ZNF233: variants seen among roughly 807,000 people sequenced by gnomAD.
The protein encoded by ZNF233 is zinc finger protein 233.
A neutral mutation model predicts 11.6 loss-of-function variants in ZNF233; 7 were observed. The observed-to-expected ratio is 0.60, with a 90% CI of 0.34 to 1.13. ZNF233 has a LOEUF of 1.13. Ranked by LOEUF, ZNF233 falls within the 50% of genes most tolerant of loss-of-function variation. ZNF233 has a pLI of 0.03. For synonymous variants in ZNF233, 226 were observed against 268.5 expected, an observed-to-expected ratio of 0.84 and a Z score of 1.55; for missense variants, 711 against 785.5, an observed-to-expected ratio of 0.91 and a Z score of 1.13.
Position 44,273,463 on chromosome 19 carries a change from G to A in ZNF233, c.803G>A (p.Ser268Asn). The A allele has an allele frequency of 6.2e-7, 1 of 1,614,234 alleles. No individual in the cohort carries two copies. Among genetic ancestry groups the A allele is most frequent in the Middle Eastern group, 1.6e-4 (1 of 6,062 alleles). ...QTSDENGKGL[S>N]VGSNLELHQQ... The stretch of plus-strand genomic sequence containing the variant: ...TCTGATGAAAATGGAAAAGGCTTAA[G>A]TGTTGGCTCTAATCTTGAACTTCAC... Residue 268 changes from serine to asparagine, a missense_variant, in exon 5 of 5, where the codon AGT becomes AAT. Coordinates refer to ENST00000683810, the MANE Select transcript of ZNF233 (RefSeq NM_001207005.2).
intron 4 of ZNF233, 136 bp from the exon 5 acceptor site, chr19:44,272,761 CAA>C: frequency 1.6e-6 from 1 of 614,100 alleles, no homozygotes; most frequent in Non-Finnish European, 2.7e-6. Flanking sequence ...GAAAAAAAAA[CAA>C]TGATAAAGTC....
chr19:44,266,242 G>A lies in ZNF233; in HGVS notation c.60G>A (p.Glu20=), dbSNP rs1975080054. The A allele has an allele frequency of 6.2e-7, 1 of 1,612,708 alleles. No individual in the cohort carries two copies. Among genetic ancestry groups the A allele is most frequent in the Non-Finnish European group, 8.5e-7 (1 of 1,179,258 alleles). The stretch of plus-strand genomic sequence containing the variant: ...ATGTGGCTGTGGTCTTCACCAGGGA[G>A]GAGCTGGGGTTGCTGGACCTTGCCC... ...FKDVAVVFTR[E]ELGLLDLAQR... The change falls in exon 3 of 5, where the codon GAG becomes GAA. Residue 20 remains glutamate (E), a synonymous_variant. Transcript: ENST00000683810.
chr19:44,261,774 C>T (rs1974944837), intron 1 of ZNF233, among the ~76,000 whole-genome samples: 1 of 151,270 alleles, frequency 6.6e-6, no homozygotes, highest in South Asian at 2.1e-4. Flanking sequence ...GCCTCAGCCT[C>T]CCGAGTAGCT....
intron 1 of ZNF233, among the ~76,000 whole-genome samples, chr19:44,264,096 A>T (rs1975001828): frequency 6.6e-6 from 1 of 152,148 alleles, no homozygotes; most frequent in South Asian, 2.1e-4. Context: ...GTGTGCCACC[A>T]CACCCAGCTA....
At position 44,272,943 on chromosome 19, in the gene ZNF233, T is replaced by G. The variant is rs1975278016; in HGVS notation, c.283T>G (p.Leu95Val). 6.2e-7 allele frequency: 1 copy of G among 1,607,498 alleles called. No individual in the cohort carries two copies. The highest frequency in any genetic ancestry group is 8.5e-7 in the Non-Finnish European group (1 of 1,178,420). The change falls in exon 5 of 5, where the codon TTA becomes GTA. Residue 95 changes from leucine to valine, a missense_variant. Leu to Val is a conservative substitution (Grantham distance 32). Coordinates refer to ENST00000683810, the MANE Select transcript of ZNF233 (RefSeq NM_001207005.2). ...GATAGATACCCTTCAAGAAGTAAGA[T>G]TAAGATTCCTTTCATATGAAGACCT... ...NEIDTLQEVRLRFLSYEDLIC... is the reference protein window; with the variant it reads ...NEIDTLQEVRVRFLSYEDLIC...
At chr19:44,266,469 C>T in intron 3 of ZNF233, 145 bp downstream of exon 3, 2 of 1,126,832 alleles carry the variant, frequency 1.8e-6, no homozygotes, top group Non-Finnish European at 2.4e-6. Context: ...TTGTCTATAC[C>T]TTGTCTATTT....
intron 1 of ZNF233, among the ~76,000 whole-genome samples, chr19:44,262,252 AC>A (rs1026104747): frequency 2.0e-5 from 3 of 152,232 alleles, no homozygotes; most frequent in African/African-American, 7.2e-5. Flanking sequence ...TACTAATTAT[AC>A]CCCAAATGCC....
At chr19:44,261,327 C>G (rs1748622123) in intron 1 of ZNF233, among the ~76,000 whole-genome samples, 1 of 152,006 alleles carries the variant, frequency 6.6e-6, no homozygotes, top group African/African-American at 2.4e-5. Flanking sequence ...ACTTGGGAGG[C>G]TGAGGCAGGA....
chr19:44,267,053 C>T (rs1234170821), intron 4 of ZNF233, 92 bp downstream of exon 4: 1 of 879,696 alleles, frequency 1.1e-6, no homozygotes, highest in Non-Finnish European at 1.8e-6. Flanking sequence ...CCCAAGACCC[C>T]AGAATTCATC....
chr19:44,260,295 A>G (rs1222570195), intron 1 of ZNF233: 1 of 159,344 alleles, frequency 6.3e-6, no homozygotes, highest in African/African-American at 2.4e-5. Context: ...GATTTACTTA[A>G]GATAAATAGA....
At chr19:44,269,973 T>C (rs1975195008) in intron 4 of ZNF233, among the ~76,000 whole-genome samples, 1 of 152,130 alleles carries the variant, frequency 6.6e-6, no homozygotes, top group African/African-American at 2.4e-5. Flanking sequence ...TGGACAGAAG[T>C]ACAAATTAAA....
chr19:44,273,535 G>T lies in ZNF233; in HGVS notation c.875G>T (p.Gly292Val). 1.2e-6 allele frequency: 2 copies of T among 1,614,204 alleles called. No homozygotes were observed. The highest frequency in any genetic ancestry group is 1.7e-6 in the Non-Finnish European group (2 of 1,180,042). ...RDKPHVNVEY[G>V]KGIGYSSGLP... is the part of the protein sequence containing the mutation. The stretch of plus-strand genomic sequence containing the variant: ...AAGCCTCATGTAAATGTTGAGTACG[G>T]GAAGGGCATAGGTTACAGCTCAGGG... The change falls in exon 5 of 5, where the codon GGG becomes GTG. Residue 292 changes from glycine to valine, a missense_variant. By Grantham distance (109) the Gly-to-Val change is moderately radical. Coordinates refer to ENST00000683810, the MANE Select transcript of ZNF233 (RefSeq NM_001207005.2).
intron 4 of ZNF233, chr19:44,267,693 CT>C: frequency 3.1e-6 from 1 of 327,450 alleles, no homozygotes; most frequent in East Asian, 4.8e-5. Context: ...ACATGTATTT[CT>C]TTCTACCTGA....
chr19:44,274,972 GC>G lies in ZNF233; in HGVS notation c.*300del, dbSNP rs1277215793. The stretch of plus-strand genomic sequence containing the variant: ...CAATCAGAACCTTCACATCCAATAA[GC>G]AATATGCAGGAGTGAAGCCTTCAAA... On this transcript the variant is annotated 3_prime_UTR_variant, in exon 5 of 5. Coordinates refer to ENST00000683810, the MANE Select transcript of ZNF233 (RefSeq NM_001207005.2). The G allele has an allele frequency of 2.4e-6, 1 of 423,568 alleles. No homozygotes were observed. The highest frequency in any genetic ancestry group is 2.0e-5 in the African/African-American group (1 of 49,136). The allele number at this position is 423,568 out of a possible 1,614,324, so 26.2% of individuals were successfully genotyped here.
chr19:44,268,147 A>AATACATACATACATACATACATAC (rs10542946), intron 4 of ZNF233: 1 of 149,980 alleles, frequency 6.7e-6, no homozygotes, highest in African/African-American at 2.5e-5. Context: ...CTGTCTCAAA[A>AATACATACATACATACATACATAC]ATACATACAT....
chr19:44,266,395 T>C (rs1975085931), intron 3 of ZNF233, 71 bp downstream of exon 3: 3 of 1,405,878 alleles, frequency 2.1e-6, no homozygotes, highest in African/African-American at 1.5e-5. Context: ...ATTTAAGACT[T>C]TGGGACGCTT....
intron 4 of ZNF233, among the ~76,000 whole-genome samples, chr19:44,271,774 T>C (rs1399778620): frequency 1.3e-5 from 2 of 151,970 alleles, no homozygotes; most frequent in African/African-American, 2.4e-5. Context: ...CCTTCCAAAG[T>C]GCTAGGATTA....
intron 4 of ZNF233, chr19:44,267,628 C>T (rs2123053352): frequency 2.6e-6 from 1 of 382,642 alleles, no homozygotes. Flanking sequence ...GCAATCCTCC[C>T]ACTTCAGCCT....
At chr19:44,266,655 T>C (rs1975092434) in intron 3 of ZNF233, among the ~76,000 whole-genome samples, 1 of 152,152 alleles carries the variant, frequency 6.6e-6, no homozygotes. Flanking sequence ...AAGTAGATAA[T>C]GGTTAGGATC....
Sources: allele counts gnomAD v4.1 joint callset (sites outside exome capture counted in the v4.1 genomes callset), GRCh38; gene constraint gnomAD v4.1.1; transcripts MANE v1.5; gene names NCBI Gene and HGNC (gene_info 2026-07-23, HGNC 2026-07-21).